Variants in NKAIN3 observed in about 807,000 individuals in gnomAD.
The protein encoded by NKAIN3 is sodium/potassium-transporting ATPase subunit beta-1-interacting protein 3.
In NKAIN3, 25 loss-of-function variants were observed where a neutral mutation model predicts 30.2. The observed-to-expected ratio is 0.83, with a 90% CI of 0.60 to 1.16. NKAIN3 has a LOEUF of 1.16. NKAIN3 is among the 50% of genes most tolerant of loss of function. NKAIN3 has a pLI of 0.00. For missense variants in NKAIN3, 225 were observed against 254.1 expected (o/e 0.89, Z 0.78); for synonymous variants, 91 against 89.6 (o/e 1.02, Z -0.09).
intron 4 of NKAIN3, among the ~76,000 whole-genome samples, chr8:62,883,928 A>G (rs778101087): frequency 9.9e-5 from 15 of 152,052 alleles, no homozygotes; most frequent in African/African-American, 3.6e-4. Flanking sequence ...ATAAATGGGT[A>G]TTGGATTTTG....
chr8:62,623,899 C>A (rs1313333576), intron 3 of NKAIN3, among the ~76,000 whole-genome samples: 1 of 151,990 alleles, frequency 6.6e-6, no homozygotes, highest in Non-Finnish European at 1.5e-5. Flanking sequence ...AGTTACTCAA[C>A]TGATTATACT....
At chr8:62,307,258 C>T (rs1429306368) in intron 1 of NKAIN3, among the ~76,000 whole-genome samples, 1 of 141,898 alleles carries the variant, frequency 7.0e-6, no homozygotes, top group East Asian at 2.0e-4. Flanking sequence ...TTAATTCATT[C>T]TCTTCTAGCA....
rs1344110371 is a variant in NKAIN3 at position 62,966,551 on chromosome 8, G to A, written c.*1144G>A. ...CTCAATCAAAATGCAGAACATTTCC[G>A]TCACTTTAAAAAATTCCCTTATGCC... is the stretch of plus-strand genomic sequence containing the variant. On this transcript the variant is annotated 3_prime_UTR_variant, in exon 7 of 7. Transcript: ENST00000623646. The A allele has an allele frequency of 3.4e-5, 8 of 233,770 alleles. No individual in the cohort carries two copies. The highest frequency in any genetic ancestry group is 2.1e-3 in the Middle Eastern group (1 of 468). 14.5% of individuals were successfully genotyped at this position (233,770 alleles called of 1,614,324 possible). A position where few individuals can be genotyped will look rare whatever the true frequency, so the allele number is the denominator to read the frequency against.
intron 6 of NKAIN3, among the ~76,000 whole-genome samples, chr8:62,956,655 T>A (rs1306810041): frequency 6.6e-6 from 1 of 152,290 alleles, no homozygotes; most frequent in South Asian, 2.1e-4. Flanking sequence ...TTTAAAGTAA[T>A]GATATCAAGC....
intron 1 of NKAIN3, among the ~76,000 whole-genome samples, chr8:62,260,617 T>C (rs554843804): frequency 1.2e-4 from 19 of 152,298 alleles, no homozygotes; most frequent in Admixed American, 1.0e-3. Context: ...TTCTGTCTTC[T>C]ATTCATTTGC....
intron 2 of NKAIN3, among the ~76,000 whole-genome samples, chr8:62,580,075 T>A (rs957982808): frequency 6.6e-6 from 1 of 152,176 alleles, no homozygotes; most frequent in Non-Finnish European, 1.5e-5. Context: ...AAAAAACAAA[T>A]CTTTCTAGCA....
intron 5 of NKAIN3, among the ~76,000 whole-genome samples, chr8:62,946,584 T>G (rs180734452): frequency 6.6e-6 from 1 of 152,218 alleles, no homozygotes; most frequent in African/African-American, 2.4e-5. Context: ...CTGTGTGAAC[T>G]AAGTTGATGT....
chr8:62,808,398 A>C (rs1054040291), intron 4 of NKAIN3, among the ~76,000 whole-genome samples: 1 of 152,134 alleles, frequency 6.6e-6, no homozygotes, highest in African/African-American at 2.4e-5. Context: ...GTGCATCATC[A>C]TCTGGTGTCT....
chr8:62,774,514 C>A (rs995493684), intron 4 of NKAIN3, among the ~76,000 whole-genome samples: 18 of 152,096 alleles, frequency 1.2e-4, no homozygotes, highest in African/African-American at 7.2e-5. Flanking sequence ...TCAATTTTTG[C>A]CCATTTAGTG....
In NKAIN3 at chr8:62,249,086, A is replaced by G. The variant is rs972683727; in HGVS notation, c.13A>G (p.Thr5Ala). 1.9e-6 allele frequency: 3 copies of G among 1,538,458 alleles called. No homozygotes were observed. Among genetic ancestry groups the G allele is most frequent in the Admixed American group, 4.0e-5 (2 of 50,594 alleles). The change falls in exon 1 of 7, where the codon ACC becomes GCC. Residue 5 changes from threonine (T) to alanine (A), a missense_variant. Coordinates refer to ENST00000623646, the MANE Select transcript of NKAIN3 (RefSeq NM_001304533.3). ...CGCCGCCGGCACCATGGGCTGCTGC[A>G]CCGGACGCTGCTCGCTCATCTGCCT... MGCC[T>A]GRCSLICLCA... is the part of the protein sequence containing the mutation.
intron 1 of NKAIN3, among the ~76,000 whole-genome samples, chr8:62,392,121 A>C (rs6472027): frequency 0.97 from 147,374 of 152,030 alleles, 71,485 homozygotes; most frequent in East Asian, 1. Flanking sequence ...CCAAATATTT[A>C]AACATTTTAA....
At chr8:62,255,080 A>T (rs371524529) in intron 1 of NKAIN3, among the ~76,000 whole-genome samples, 1 of 152,238 alleles carries the variant, frequency 6.6e-6, no homozygotes, top group Non-Finnish European at 1.5e-5. Context: ...TTATTTGGAA[A>T]TGTGGTTTTT....
intron 4 of NKAIN3, chr8:62,863,751 A>G (rs1820331186): frequency 1.2e-6 from 2 of 1,604,182 alleles, no homozygotes; most frequent in African/African-American, 2.7e-5. Context: ...CTTTTCCCCT[A>G]CATATCCCAG....
intron 3 of NKAIN3, among the ~76,000 whole-genome samples, chr8:62,679,283 C>A (rs935736785): frequency 1.3e-5 from 2 of 152,016 alleles, no homozygotes; most frequent in African/African-American, 4.8e-5. Flanking sequence ...GCTTCCCATA[C>A]AGAAGTAAGC....
chr8:62,994,035 A>G (rs934610587), intron 5 of NKAIN3, among the ~76,000 whole-genome samples: 4 of 152,196 alleles, frequency 2.6e-5, no homozygotes, highest in Admixed American at 6.5e-5. Context: ...AAGACTTTAA[A>G]TTGGAATATC....
intron 3 of NKAIN3, among the ~76,000 whole-genome samples, chr8:62,713,536 A>G (rs1814792896): frequency 6.6e-6 from 1 of 152,224 alleles, no homozygotes; most frequent in Non-Finnish European, 1.5e-5. Flanking sequence ...TATCTATCCA[A>G]CAAACACTTA....
chr8:62,503,433 G>A (rs186356410), intron 1 of NKAIN3, among the ~76,000 whole-genome samples: 114 of 152,252 alleles, frequency 7.5e-4, no homozygotes, highest in Non-Finnish European at 1.4e-3. Flanking sequence ...ATGTTCAGCG[G>A]TGCACATATT....
At chr8:62,930,400 C>T (rs547033242) in intron 5 of NKAIN3, among the ~76,000 whole-genome samples, 5 of 152,012 alleles carry the variant, frequency 3.3e-5, no homozygotes, top group African/African-American at 1.2e-4. Flanking sequence ...ATTACAGGCG[C>T]CTGACACCAT....
chr8:62,761,989 T>C (rs1256323169), intron 4 of NKAIN3, among the ~76,000 whole-genome samples: 2 of 152,146 alleles, frequency 1.3e-5, no homozygotes, highest in African/African-American at 4.8e-5. Flanking sequence ...GTTTAGTTAA[T>C]ATTTATCAGA....
Sources: allele counts gnomAD v4.1 joint callset (sites outside exome capture counted in the v4.1 genomes callset), GRCh38; gene constraint gnomAD v4.1.1; transcripts MANE v1.5; gene names NCBI Gene and HGNC (gene_info 2026-07-23, HGNC 2026-07-21).